The following ETV6 variants were observed in gnomAD, a reference collection of about 807,000 sequenced individuals.
ETV6 encodes ETS variant transcription factor 6.
ETV6 carries 16 observed loss-of-function variants against 51.1 expected under a neutral mutation model. The ratio of observed to expected loss-of-function variants is 0.31; its 90% CI spans 0.21 to 0.48. The LOEUF (loss-of-function observed/expected upper bound fraction) is 0.48, where lower values mean the gene tolerates loss of function less well. Among genes scored for constraint, ETV6 ranks in the 20% least tolerant of loss-of-function variants. The pLI is 0.99. For missense variants in ETV6, 458 were observed against 594.8 expected (o/e 0.77, Z 2.39); for synonymous variants, 240 against 224.1 (o/e 1.07, Z -0.64).
intron 2 of ETV6, among the ~76,000 whole-genome samples, chr12:11,780,801 G>C (rs538419411): frequency 1.2e-3 from 188 of 152,364 alleles, no homozygotes; most frequent in Admixed American, 4.1e-3. Flanking sequence ...GTATGTGGAT[G>C]CTGAGCAGAC....
intron 1 of ETV6, among the ~76,000 whole-genome samples, chr12:11,734,076 G>C (rs554091001): frequency 6.6e-6 from 1 of 152,232 alleles, no homozygotes; most frequent in Admixed American, 6.5e-5. Context: ...ACCTGGCAGT[G>C]GCTACTTCTA....
At chr12:11,818,740 A>G (rs1375283037) in intron 2 of ETV6, among the ~76,000 whole-genome samples, 5 of 152,042 alleles carry the variant, frequency 3.3e-5, no homozygotes, top group African/African-American at 9.7e-5. Flanking sequence ...TCCACTTGGC[A>G]CTCATGCTGC....
At chr12:11,733,444 ATTC>A (rs1865641816) in intron 1 of ETV6, among the ~76,000 whole-genome samples, 1 of 149,268 alleles carries the variant, frequency 6.7e-6, no homozygotes, top group African/African-American at 2.5e-5. Context: ...TAACCACTTC[ATTC>A]TTCTTAGCCC....
chr12:11,876,116 A>T (rs969555277), intron 5 of ETV6, among the ~76,000 whole-genome samples: 2 of 152,210 alleles, frequency 1.3e-5, no homozygotes, highest in Non-Finnish European at 2.9e-5. Context: ...GACATGTGAA[A>T]GGAACAATAA....
intron 2 of ETV6, among the ~76,000 whole-genome samples, chr12:11,820,129 T>C (rs1056105764): frequency 4.6e-5 from 7 of 152,162 alleles, no homozygotes; most frequent in African/African-American, 1.7e-4. Context: ...AGTTTTACAG[T>C]GGAGGAAATC....
intron 1 of ETV6, among the ~76,000 whole-genome samples, chr12:11,680,886 C>T (rs12306221): frequency 0.093 from 14,151 of 152,208 alleles, 2,017 homozygotes; most frequent in African/African-American, 0.31. Context: ...AGGGCATTTA[C>T]TTCTCTGTGA....
intron 2 of ETV6, among the ~76,000 whole-genome samples, chr12:11,777,720 ACTT>A (rs1312536441): frequency 1.3e-5 from 2 of 151,470 alleles, no homozygotes; most frequent in Non-Finnish European, 2.9e-5. Flanking sequence ...GCTACAACAC[ACTT>A]CTTCATTCCA....
intron 2 of ETV6, among the ~76,000 whole-genome samples, chr12:11,760,282 T>C (rs1039116675): frequency 5.3e-5 from 8 of 152,238 alleles, no homozygotes; most frequent in African/African-American, 1.9e-4. Context: ...CAGCAGATCA[T>C]GGATACCAGT....
chr12:11,867,445 C>T (rs1296101115), intron 4 of ETV6, among the ~76,000 whole-genome samples: 1 of 152,134 alleles, frequency 6.6e-6, no homozygotes, highest in African/African-American at 2.4e-5. Context: ...TGATGAGGCA[C>T]TTGAATTTAT....
At chr12:11,855,930 G>A (rs743613) in intron 4 of ETV6, among the ~76,000 whole-genome samples, 39,365 of 152,136 alleles carry the variant, frequency 0.26, 5,398 homozygotes, top group African/African-American at 0.34. Context: ...TTAAGGCAAG[G>A]AATATATTAC....
chr12:11,883,693 T>C (rs939098798), intron 5 of ETV6, among the ~76,000 whole-genome samples: 10 of 152,166 alleles, frequency 6.6e-5, no homozygotes, highest in African/African-American at 2.4e-4. Flanking sequence ...AAAATATCCA[T>C]TGCCTGACTA....
chr12:11,717,821 T>C (rs989507760), intron 1 of ETV6, among the ~76,000 whole-genome samples: 2 of 152,144 alleles, frequency 1.3e-5, no homozygotes, highest in African/African-American at 4.8e-5. Context: ...TCCCCTGATA[T>C]TCCCTCCCAC....
chr12:11,667,696 ATTTTTTTT>A (rs34458275), intron 1 of ETV6, among the ~76,000 whole-genome samples: 111 of 72,994 alleles, frequency 1.5e-3, no homozygotes, highest in African/African-American at 4.9e-3. Flanking sequence ...TACCTGGCTA[ATTTTTTTT>A]TTTTTTTTTT....
At chr12:11,788,469 C>T (rs1165853830) in intron 2 of ETV6, among the ~76,000 whole-genome samples, 1 of 152,142 alleles carries the variant, frequency 6.6e-6, no homozygotes, top group Non-Finnish European at 1.5e-5. Context: ...AGAAAGGAAA[C>T]CTAGCATCTG....
intron 1 of ETV6, among the ~76,000 whole-genome samples, chr12:11,694,883 A>G (rs190953566): frequency 6.6e-6 from 1 of 152,270 alleles, no homozygotes; most frequent in African/African-American, 2.4e-5. Flanking sequence ...AACATGTCTT[A>G]TGTATCAGTT....
rs760125019 is a variant in ETV6, at chr12:11,891,283, G to A, written c.*237G>A. On this transcript the variant is annotated 3_prime_UTR_variant, in exon 8 of 8. Coordinates refer to ENST00000396373, the MANE Select transcript of ETV6 (RefSeq NM_001987.5). ...GCATGAGCCTGGGACTCCATGTCAC[G>A]TTTCCTTCTGATTTGGAATCTCTCC... is the stretch of plus-strand genomic sequence containing the variant. 5 of 449,772 alleles carry A rather than the reference G, an allele frequency of 1.1e-5. No homozygotes were observed. Among genetic ancestry groups the A allele is most frequent in the South Asian group, 5.7e-5 (2 of 34,910 alleles). The allele number at this position is 449,772 out of a possible 1,614,324, so 27.9% of individuals were successfully genotyped here.
intron 2 of ETV6, among the ~76,000 whole-genome samples, chr12:11,764,171 T>G (rs942863503): frequency 2.0e-5 from 3 of 152,212 alleles, no homozygotes; most frequent in Non-Finnish European, 1.5e-5. Context: ...TAATGAAAAT[T>G]AGCTTATCAG....
intron 1 of ETV6, among the ~76,000 whole-genome samples, chr12:11,725,121 A>G (rs1250660507): frequency 2.0e-5 from 3 of 150,308 alleles, no homozygotes; most frequent in Non-Finnish European, 4.4e-5. Context: ...CCTGCCAGGA[A>G]TCTGCAGGGA....
intron 1 of ETV6, among the ~76,000 whole-genome samples, chr12:11,671,372 A>G (rs1864310272): frequency 6.6e-6 from 1 of 152,208 alleles, no homozygotes; most frequent in African/African-American, 2.4e-5. Context: ...AATTCAGAAG[A>G]TAGTCATTAG....
Sources: allele counts gnomAD v4.1 joint callset (sites outside exome capture counted in the v4.1 genomes callset), GRCh38; gene constraint gnomAD v4.1.1; transcripts MANE v1.5; gene names NCBI Gene and HGNC (gene_info 2026-07-23, HGNC 2026-07-21).